EYS: variants seen among roughly 807,000 people sequenced by gnomAD.
The protein encoded by EYS is EGF-like photoreceptor maintenance factor.
A neutral mutation model predicts 282.1 loss-of-function variants in EYS; 250 were observed. The ratio of observed to expected loss-of-function variants is 0.89; its 90% CI spans 0.80 to 0.98. The LOEUF is 0.98. Among genes scored for constraint, EYS ranks in the 50% least tolerant of loss-of-function variants. The pLI, the probability that EYS is intolerant of heterozygous loss-of-function variation, is 0.00. For synonymous variants in EYS, 1,355 were observed against 1,282.9 expected, an observed-to-expected ratio of 1.06 and a Z score of -1.20; for missense variants, 4,016 against 3,709.0, an observed-to-expected ratio of 1.08 and a Z score of -2.15.
chr6:64,273,462 T>A (rs997488817), intron 30 of EYS, among the ~76,000 whole-genome samples: 20 of 152,170 alleles, frequency 1.3e-4, no homozygotes, highest in African/African-American at 4.8e-4. Context: ...TCTTTTTAAC[T>A]AACTATATAG....
At chr6:64,862,776 A>G (rs1024389798) in intron 19 of EYS, among the ~76,000 whole-genome samples, 45 of 152,134 alleles carry the variant, frequency 3.0e-4, no homozygotes, top group Admixed American at 5.2e-4. Context: ...TGAATAAGAA[A>G]ATATATTATT....
intron 12 of EYS, among the ~76,000 whole-genome samples, chr6:65,270,487 AC>A (rs1232592183): frequency 2.0e-5 from 3 of 152,150 alleles, no homozygotes; most frequent in Non-Finnish European, 2.9e-5. Context: ...CAACACCAAC[AC>A]AAAATACATC....
chr6:64,243,034 A>T (rs964718484), intron 30 of EYS, among the ~76,000 whole-genome samples: 2 of 147,438 alleles, frequency 1.4e-5, no homozygotes, highest in African/African-American at 4.9e-5. Context: ...TATAATAAAT[A>T]TAAAATATAA....
intron 26 of EYS, among the ~76,000 whole-genome samples, chr6:64,444,609 A>C (rs573435651): frequency 6.6e-6 from 1 of 152,310 alleles, no homozygotes; most frequent in East Asian, 1.9e-4. Context: ...TTATCATTCT[A>C]TTCCAAGAAC....
chr6:65,093,131 T>C (rs1263068913), intron 12 of EYS, among the ~76,000 whole-genome samples: 2 of 151,838 alleles, frequency 1.3e-5, no homozygotes, highest in East Asian at 3.9e-4. Flanking sequence ...AAGAATGGAG[T>C]AAAAGGACAT....
intron 31 of EYS, among the ~76,000 whole-genome samples, chr6:64,095,508 A>C (rs1341179531): frequency 6.6e-6 from 1 of 152,058 alleles, no homozygotes; most frequent in East Asian, 1.9e-4. Flanking sequence ...CCATTATGTA[A>C]TGGCCTTCTT....
intron 42 of EYS, among the ~76,000 whole-genome samples, chr6:63,722,864 T>A (rs541435146): frequency 7.2e-5 from 11 of 152,358 alleles, no homozygotes; most frequent in African/African-American, 2.6e-4. Context: ...TCTTCACCTA[T>A]CAAACTACGT....
At chr6:64,789,518 A>T in intron 22 of EYS, among the ~76,000 whole-genome samples, 1 of 152,296 alleles carries the variant, frequency 6.6e-6, no homozygotes, top group Admixed American at 6.5e-5. Context: ...GTCCACTAAA[A>T]TAATGTCTTT....
intron 18 of EYS, 29 bp from the exon 19 acceptor site, chr6:64,886,871 G>T (rs1245456527): frequency 7.5e-7 from 1 of 1,342,110 alleles, no homozygotes; most frequent in Non-Finnish European, 1.0e-6. Flanking sequence ...ATGAGGAATA[G>T]CCATGTAACA....
intron 12 of EYS, among the ~76,000 whole-genome samples, chr6:65,120,624 T>C (rs573681406): frequency 6.6e-6 from 1 of 152,120 alleles, no homozygotes; most frequent in Non-Finnish European, 1.5e-5. Flanking sequence ...TCTGCACTTC[T>C]AAAACCTCAG....
At chr6:64,258,928 C>A (rs894531316) in intron 30 of EYS, among the ~76,000 whole-genome samples, 1 of 151,984 alleles carries the variant, frequency 6.6e-6, no homozygotes, top group African/African-American at 2.4e-5. Flanking sequence ...TACTGTGAGT[C>A]ATTTGGACTT....
At position 65,099,102 on chromosome 6, in the gene EYS, A is replaced by G. The variant is rs556651163; in HGVS notation, c.2024-41375T>C. On this transcript the variant is annotated intron_variant, in intron 12 of 42. Transcript: ENST00000503581. ...AAAGAATATATATCTATATATATAC[A>G]TAAACACACACACACCTATCTGTAG... Among the ~76,000 whole-genome samples the G allele has an allele frequency of 7.9e-4, 119 of 150,890 alleles. 1 individual carries two copies. Among genetic ancestry groups the G allele is most frequent in the African/African-American group, 2.8e-3 (115 of 41,454 alleles).
chr6:65,663,468 G>C (rs1270773225), intron 1 of EYS, among the ~76,000 whole-genome samples: 1 of 151,902 alleles, frequency 6.6e-6, no homozygotes, highest in Non-Finnish European at 1.5e-5. Flanking sequence ...GATAGGAGAA[G>C]AAACTTAAAG....
At chr6:65,233,918 G>C (rs1370954018) in intron 12 of EYS, among the ~76,000 whole-genome samples, 1 of 152,056 alleles carries the variant, frequency 6.6e-6, no homozygotes, top group Non-Finnish European at 1.5e-5. Context: ...GCTCCTGAGT[G>C]AGGGCAACCC....
chr6:65,561,605 G>T (rs1769061508), intron 2 of EYS, among the ~76,000 whole-genome samples: 1 of 152,058 alleles, frequency 6.6e-6, no homozygotes, highest in Admixed American at 6.6e-5. Flanking sequence ...AAAAGGTAAT[G>T]TAACAGTTTT....
intron 35 of EYS, among the ~76,000 whole-genome samples, chr6:63,897,143 G>T (rs745666884): frequency 4.6e-5 from 7 of 152,170 alleles, no homozygotes; most frequent in Non-Finnish European, 7.3e-5. Flanking sequence ...AGAGTTTAGT[G>T]TATATCCTTC....
intron 35 of EYS, among the ~76,000 whole-genome samples, chr6:63,962,491 C>CA (rs1182385904): frequency 1.3e-5 from 2 of 152,030 alleles, no homozygotes; most frequent in Non-Finnish European, 2.9e-5. Flanking sequence ...TTTATGCAGC[C>CA]AAAAAACACA....
At chr6:64,169,311 A>G (rs1231413513) in intron 31 of EYS, among the ~76,000 whole-genome samples, 3 of 152,314 alleles carry the variant, frequency 2.0e-5, no homozygotes, top group South Asian at 2.1e-4. Context: ...AACAGGAGGT[A>G]GCAGAAGGCC....
chr6:63,887,314 GTTT>G lies in EYS; in HGVS notation c.7056-22959_7056-22957del, dbSNP rs35622877. On this transcript the variant is annotated intron_variant, in intron 35 of 42. Coordinates refer to ENST00000503581, the MANE Select transcript of EYS (RefSeq NM_001142800.2). ...AAAAGAGGAAAGAGGAATAAAAGGT[GTTT>G]TTTTTTTTTTTTTTTGTCTTTGAAA... Among the ~76,000 whole-genome samples, 26 of 120,240 alleles carry G rather than the reference GTTT, an allele frequency of 2.2e-4. No individual in the cohort carries two copies. The Middle Eastern group carries it at 0.014, about 62-fold the overall frequency. 78.9% of individuals were successfully genotyped at this position (120,240 alleles called of 152,430 possible). A position where few individuals can be genotyped will look rare whatever the true frequency, so the allele number is the denominator to read the frequency against.
Sources: allele counts gnomAD v4.1 joint callset (sites outside exome capture counted in the v4.1 genomes callset), GRCh38; gene constraint gnomAD v4.1.1; transcripts MANE v1.5; gene names NCBI Gene and HGNC (gene_info 2026-07-23, HGNC 2026-07-21).